PML: variants seen among roughly 807,000 people sequenced by gnomAD.
The protein encoded by PML is protein PML.
PML carries 28 observed loss-of-function variants against 65.2 expected under a neutral mutation model. The observed-to-expected ratio is 0.43, with a 90% confidence interval of 0.32 to 0.59. PML has a LOEUF of 0.59. Among genes scored for constraint, PML ranks in the 20% least tolerant of loss-of-function variants. The pLI is 0.08. For synonymous variants in PML, 500 were observed against 508.8 expected (o/e 0.98, Z 0.23); for missense variants, 1,021 against 1,203.4 (o/e 0.85, Z 2.24).
At position 74,023,038 on chromosome 15, in the gene PML, G is replaced by A. The variant is rs571588911; in HGVS notation, c.813G>A (p.Ala271=). 4 of 1,605,014 alleles carry A rather than the reference G, an allele frequency of 2.5e-6. No individual in the cohort carries two copies. Among genetic ancestry groups the A allele is most frequent in the East Asian group, 2.2e-5 (1 of 44,798 alleles). Reference sequence around the variant, plus strand: ...CGGCCGTCGGCCAGCTGGGCCGCGCGCGTGCCGAGACCGAGGAGCTGATCC... The same window carrying A: ...CGGCCGTCGGCCAGCTGGGCCGCGCACGTGCCGAGACCGAGGAGCTGATCC... ...MHAAVGQLGR[A]RAETEELIRE... The change falls in exon 3 of 9, where the codon GCG becomes GCA. Residue 271 remains alanine (A), a synonymous_variant. Coordinates refer to ENST00000268058, the MANE Select transcript of PML (RefSeq NM_033238.3).
At chr15:74,005,272 C>T (rs1322476219) in intron 2 of PML, among the ~76,000 whole-genome samples, 1 of 148,972 alleles carries the variant, frequency 6.7e-6, no homozygotes, top group African/African-American at 2.5e-5. Flanking sequence ...AGGCTGGTCT[C>T]GAACTCCTGA....
Position 74,043,191 on chromosome 15 carries a change from C to T in PML, c.1861+52C>T, listed in dbSNP as rs2071730917. On this transcript the variant is annotated intron_variant, in intron 8 of 8. Coordinates refer to ENST00000268058, the MANE Select transcript of PML (RefSeq NM_033238.3). This position sits in a 1 kb window ranked among gnomAD's most constrained non-coding sequence, Gnocchi z 4.3. Reference sequence around the variant, plus strand: ...CCCTTTCTAATTTAGTCTCTGAGTCCCAAAAAGAAGTGCAGGCAGAGCCAT... The same window carrying T: ...CCCTTTCTAATTTAGTCTCTGAGTCTCAAAAAGAAGTGCAGGCAGAGCCAT... 6.2e-7 allele frequency: 1 copy of T among 1,613,882 alleles called. No individual in the cohort carries two copies. Among genetic ancestry groups the T allele is most frequent in the Non-Finnish European group, 8.5e-7 (1 of 1,179,986 alleles).
At chr15:74,000,938 A>G (rs2141720258) in intron 2 of PML, among the ~76,000 whole-genome samples, 1 of 152,342 alleles carries the variant, frequency 6.6e-6, no homozygotes, top group Admixed American at 6.5e-5. Flanking sequence ...AGGCTTATAA[A>G]AGTTTTTTGA....
chr15:74,010,109 G>A (rs1432927894), intron 2 of PML, among the ~76,000 whole-genome samples: 1 of 150,448 alleles, frequency 6.6e-6, no homozygotes, highest in Non-Finnish European at 1.5e-5. Flanking sequence ...GACCTCCCAG[G>A]CCCAAGTTAT....
Position 74,043,795 on chromosome 15 carries a change from C to T in PML, c.1862-426C>T, listed in dbSNP as rs573210124. 3 of 534,142 alleles carry T rather than the reference C, an allele frequency of 5.6e-6. No individual in the cohort carries two copies. In the Admixed American group the frequency reaches 5.8e-5, roughly 10 times the overall value. The allele number at this position is 534,142 out of a possible 1,614,324, so 33.1% of individuals were successfully genotyped here. A position where few individuals can be genotyped will look rare whatever the true frequency, so the allele number is the denominator to read the frequency against. On this transcript the variant is annotated intron_variant, in intron 8 of 8. Transcript: ENST00000268058. This position sits in a 1 kb window ranked among gnomAD's most constrained non-coding sequence, Gnocchi z 4.3. ...TCTTGGCCTTGCTCTGAGTGGAGTG[C>T]TTTCTATGTCCCAGGGCTCTGACTG...
intron 6 of PML, chr15:74,033,732 C>A: frequency 1.6e-6 from 1 of 611,704 alleles, no homozygotes; most frequent in South Asian, 1.9e-5. Context: ...GCCTAGCATA[C>A]TCCCAGAGAG....
intron 2 of PML, among the ~76,000 whole-genome samples, chr15:74,002,222 A>G (rs2141726044): frequency 6.6e-6 from 1 of 152,184 alleles, no homozygotes; most frequent in African/African-American, 2.4e-5. Context: ...TTAGCGGCCT[A>G]GGATATTCCT....
At position 74,007,660 on chromosome 15, in the gene PML, C is replaced by G. The variant is rs561123978; in HGVS notation, c.602+9184C>G. ...CAGAGGTGGCTTTAAACCTGGGACT[C>G]GGGGTGTCTGCCCTGGGGTGGCTGC... On this transcript the variant is annotated intron_variant, in intron 2 of 8. Transcript: ENST00000268058. Among the ~76,000 whole-genome samples, 15 of 152,282 alleles carry G rather than the reference C, an allele frequency of 9.9e-5. No homozygotes were observed. In the South Asian group the frequency reaches 3.1e-3, roughly 32 times the overall value.
Position 74,035,926 on chromosome 15 carries a change from C to T in PML, c.1710+1396C>T, listed in dbSNP as rs769309342. On this transcript the variant is annotated intron_variant, in intron 7 of 8. Coordinates refer to ENST00000268058, the MANE Select transcript of PML (RefSeq NM_033238.3). The surrounding 1 kb of genome is among the most constrained non-coding windows in gnomAD (Gnocchi z 4.1). Reference sequence around the variant, plus strand: ...GAAAGGCCCCCCATCAGCCCAGTCCCAGGCGCCCGTCAAGCAGGCCTCTGA... The same window carrying T: ...GAAAGGCCCCCCATCAGCCCAGTCCTAGGCGCCCGTCAAGCAGGCCTCTGA... The T allele has an allele frequency of 8.1e-6, 13 of 1,613,872 alleles. No individual in the cohort carries two copies. In the Admixed American group the frequency reaches 8.3e-5, roughly 10 times the overall value.
Position 74,046,620 on chromosome 15 carries a change from G to A in PML, c.*1612G>A, listed in dbSNP as rs1465871588. The A allele has an allele frequency of 8.6e-6, 2 of 232,608 alleles. No homozygotes were observed. The highest frequency in any genetic ancestry group is 2.2e-5 in the African/African-American group (1 of 45,324). 14.4% of individuals were successfully genotyped at this position (232,608 alleles called of 1,614,324 possible). On this transcript the variant is annotated 3_prime_UTR_variant, in exon 9 of 9. Coordinates refer to ENST00000268058, the MANE Select transcript of PML (RefSeq NM_033238.3). ...AAACAGGCGCTGGTTCTGAAGCACCGATGGAAACAGATTGATGCAGATGGA... is the reference window on the plus strand; with the variant it reads ...AAACAGGCGCTGGTTCTGAAGCACCAATGGAAACAGATTGATGCAGATGGA...
chr15:74,004,295 T>C (rs1211084146), intron 2 of PML, among the ~76,000 whole-genome samples: 2 of 151,590 alleles, frequency 1.3e-5, no homozygotes, highest in African/African-American at 2.4e-5. Flanking sequence ...GTTGGATGGT[T>C]TTCATTTGTT....
At position 74,035,943 on chromosome 15, in the gene PML, G is replaced by A; in HGVS notation, c.1710+1413G>A. ...CCCAGTCCCAGGCGCCCGTCAAGCA[G>A]GCCTCTGAGAGTGCTACCCTTCTCT... is the stretch of plus-strand genomic sequence containing the variant. On this transcript the variant is annotated intron_variant, in intron 7 of 8. Transcript: ENST00000268058. This position sits in a 1 kb window ranked among gnomAD's most constrained non-coding sequence, Gnocchi z 4.1. 1 of 1,614,056 alleles carries A rather than the reference G, an allele frequency of 6.2e-7. No individual in the cohort carries two copies. Among genetic ancestry groups the A allele is most frequent in the Non-Finnish European group, 8.5e-7 (1 of 1,180,026 alleles).
chr15:74,041,284 G>A (rs984456450), intron 7 of PML: 5 of 152,320 alleles, frequency 3.3e-5, no homozygotes, highest in African/African-American at 7.2e-5. Flanking sequence ...CTGCTGCCCA[G>A]TGAAGCCTGG....
intron 2 of PML, among the ~76,000 whole-genome samples, chr15:74,014,450 A>T (rs2070473429): frequency 1.3e-5 from 2 of 151,680 alleles, no homozygotes; most frequent in Non-Finnish European, 2.9e-5. Flanking sequence ...TCTTACCCTC[A>T]GCCTCCCAAG....
At chr15:74,011,118 A>C (rs2070314098) in intron 2 of PML, among the ~76,000 whole-genome samples, 1 of 152,336 alleles carries the variant, frequency 6.6e-6, no homozygotes, top group South Asian at 2.1e-4. Context: ...AGACTGGTCC[A>C]TTCACAGAAG....
Position 74,039,571 on chromosome 15 carries a change from A to C in PML, c.1711-3418A>C, listed in dbSNP as rs148168607. On this transcript the variant is annotated intron_variant, in intron 7 of 8. Coordinates refer to ENST00000268058, the MANE Select transcript of PML (RefSeq NM_033238.3). Reference sequence around the variant, plus strand: ...TGGCTGATGAGCAAACCTGGAATGAATCAGTGATAAGGACAATTGTTCTCA... The same window carrying C: ...TGGCTGATGAGCAAACCTGGAATGACTCAGTGATAAGGACAATTGTTCTCA... Among the ~76,000 whole-genome samples, 334 of 152,310 alleles carry C rather than the reference A, an allele frequency of 2.2e-3. 1 individual carries two copies. Among genetic ancestry groups the C allele is most frequent in the African/African-American group, 6.2e-3 (258 of 41,562 alleles).
At chr15:73,996,970 G>A (rs925237617) in intron 1 of PML, among the ~76,000 whole-genome samples, 1 of 152,224 alleles carries the variant, frequency 6.6e-6, no homozygotes, top group Non-Finnish European at 1.5e-5. Context: ...AGCAAGGAAA[G>A]AGTGAAGCAA....
rs1478950165 is a variant in PML, at chr15:73,998,288, C to T, written c.414C>T (p.Phe138=). The stretch of plus-strand genomic sequence containing the variant: ...CCCGCTGCAAAGAGTCGGCCGACTT[C>T]TGGTGCTTTGAGTGCGAGCAGCTCC... The part of the protein sequence containing the change: ...VCTRCKESAD[F]WCFECEQLLC... Residue 138 remains phenylalanine (F), a synonymous_variant, in exon 2 of 9, where the codon TTC becomes TTT. Transcript: ENST00000268058. 1 of 1,614,230 alleles carries T rather than the reference C, an allele frequency of 6.2e-7. No individual in the cohort carries two copies. The highest frequency in any genetic ancestry group is 1.7e-5 in the Admixed American group (1 of 60,026).
At chr15:74,021,917 G>T (rs1399884501) in intron 2 of PML, among the ~76,000 whole-genome samples, 2 of 152,220 alleles carry the variant, frequency 1.3e-5, no homozygotes, top group Non-Finnish European at 2.9e-5. Context: ...GTGAAAGTTC[G>T]TTGAGAGGAG....
Sources: gnomAD v4.1 joint callset for allele counts (sites outside exome capture counted in the v4.1 genomes callset) on GRCh38, gnomAD v4.1.1 for gene constraint, Gnocchi (gnomAD v3.1) non-coding constraint, MANE v1.5 for transcripts, NCBI Gene and HGNC (gene_info 2026-07-23, HGNC 2026-07-21) for gene names.